POMT2: variants seen among roughly 807,000 people sequenced by gnomAD.
POMT2 encodes the protein protein O-mannosyltransferase 2.
A neutral mutation model predicts 100.0 loss-of-function variants in POMT2; 75 were observed. The ratio of observed to expected loss-of-function variants is 0.75; its 90% CI spans 0.62 to 0.91. The LOEUF (loss-of-function observed/expected upper bound fraction) is 0.91, where lower values mean the gene tolerates loss of function less well. Among genes scored for constraint, POMT2 ranks in the 40% least tolerant of loss-of-function variants. The pLI, the probability that POMT2 is intolerant of heterozygous loss-of-function variation, is 0.00. For missense variants in POMT2, 940 were observed against 955.1 expected (o/e 0.98, Z 0.21); for synonymous variants, 378 against 374.1 (o/e 1.01, Z -0.12).
rs1386555822 is a variant in POMT2, at chr14:77,301,068, C to T, written c.816+22G>A. ...ACATCAGGGAGCAAAAACATTTCCA[C>T]AGCAAACCCTTGGGTGCTCACCAAT... On this transcript the variant is annotated intron_variant, in intron 6 of 20. Coordinates refer to ENST00000261534, the MANE Select transcript of POMT2 (RefSeq NM_013382.7). The T allele has an allele frequency of 3.7e-6, 6 of 1,613,842 alleles. No homozygotes were observed. The East Asian group carries it at 1.3e-4, about 36-fold the overall frequency.
At chr14:77,309,604 T>C (rs1169895787) in intron 2 of POMT2, among the ~76,000 whole-genome samples, 1 of 152,176 alleles carries the variant, frequency 6.6e-6, no homozygotes, top group Non-Finnish European at 1.5e-5. Context: ...AGGGCAGCCT[T>C]AGAAGCCTCA....
intron 15 of POMT2, among the ~76,000 whole-genome samples, chr14:77,281,290 T>C (rs1253847470): frequency 6.6e-6 from 1 of 152,194 alleles, no homozygotes; most frequent in Non-Finnish European, 1.5e-5. Flanking sequence ...GGAGCCTTTG[T>C]AGACAAGTTT....
intron 16 of POMT2, 122 bp downstream of exon 16, chr14:77,280,270 C>T (rs947392064): frequency 2.4e-5 from 37 of 1,561,900 alleles, no homozygotes; most frequent in African/African-American, 1.5e-4. Flanking sequence ...CCACCTCTGG[C>T]CAACCCATCC....
chr14:77,310,755 C>G (rs1308949184), intron 2 of POMT2, among the ~76,000 whole-genome samples: 1 of 152,216 alleles, frequency 6.6e-6, no homozygotes, highest in Non-Finnish European at 1.5e-5. Flanking sequence ...CCCTTGGTGC[C>G]CAAGATCTAA....
intron 15 of POMT2, among the ~76,000 whole-genome samples, chr14:77,283,344 C>T (rs55922804): frequency 0.031 from 4,759 of 152,294 alleles, 106 homozygotes; most frequent in Middle Eastern, 0.075. Context: ...TGGGCAGATT[C>T]ACAAATCACT....
rs151238074 is a variant in POMT2 at position 77,313,263 on chromosome 14, C to T, written c.249-1230G>A. ...AATCTAAGGTTCTTTTTATATCTTA[C>T]TTGGTGGGTCCAAGATAGGCAAAAG... On this transcript the variant is annotated intron_variant, in intron 1 of 20. Transcript: ENST00000261534. 7.5e-3 allele frequency among the ~76,000 whole-genome samples: 1,150 copies of T among 152,352 alleles called. 13 individuals carry two copies. The highest frequency in any genetic ancestry group is 0.026 in the African/African-American group (1,065 of 41,576).
intron 9 of POMT2, among the ~76,000 whole-genome samples, chr14:77,293,620 G>A (rs564742343): frequency 2.6e-5 from 4 of 152,296 alleles, no homozygotes; most frequent in South Asian, 2.1e-4. Context: ...TAAACTGCAT[G>A]GCAGGAAGGG....
chr14:77,303,016 G>A, intron 4 of POMT2, 73 bp from the exon 5 acceptor site: 1 of 1,086,962 alleles, frequency 9.2e-7, no homozygotes, highest in Non-Finnish European at 1.4e-6. Flanking sequence ...CACCCCAGTA[G>A]TAGGAAACAG....
Position 77,285,560 on chromosome 14 carries a change from C to T in POMT2, c.1405G>A (p.Val469Met). 1 of 1,614,134 alleles carries T rather than the reference C, an allele frequency of 6.2e-7. No individual in the cohort carries two copies. The stretch of plus-strand genomic sequence containing the variant: ...ATGAAGCGAATTCGACTTCTCAGCA[C>T]TTTGATCCGGTTTCCAAATTTCCTG... ...VNRKFGNRIK[V>M]LRSRIRFIHL... The change falls in exon 13 of 21, where the codon GTG (valine) becomes ATG (methionine). Residue 469 changes from valine (V) to methionine (M), a missense_variant. Val to Met is a conservative substitution (Grantham distance 21). Coordinates refer to ENST00000261534, the MANE Select transcript of POMT2 (RefSeq NM_013382.7).
intron 1 of POMT2, among the ~76,000 whole-genome samples, chr14:77,316,104 C>T (rs1891615287): frequency 6.6e-6 from 1 of 152,188 alleles, no homozygotes; most frequent in South Asian, 2.1e-4. Flanking sequence ...GACATAGGTA[C>T]CAAGCACACC....
At chr14:77,320,203 G>T (rs371179205) in intron 1 of POMT2, 1 of 687,296 alleles carries the variant, frequency 1.5e-6, no homozygotes, top group Non-Finnish European at 2.5e-6. Context: ...TGGAAGACAT[G>T]AGGGCTGCTT....
chr14:77,318,368 C>T (rs6574368), intron 1 of POMT2, among the ~76,000 whole-genome samples: 52,127 of 152,014 alleles, frequency 0.34, 9,230 homozygotes, highest in East Asian at 0.44. Context: ...CACATGGACA[C>T]GGCCAGTCTT....
Position 77,291,480 on chromosome 14 carries a change from G to A in POMT2, c.1117-100C>T, listed in dbSNP as rs540202005. The stretch of plus-strand genomic sequence containing the variant: ...GGACAATCAACCTCAAACCAATGTT[G>A]CTTAAGCCAATTTCAGAATCCCCAG... On this transcript the variant is annotated intron_variant, in intron 9 of 20. Transcript: ENST00000261534. 2.0e-6 allele frequency: 3 copies of A among 1,503,028 alleles called. No individual in the cohort carries two copies. The South Asian group carries it at 3.6e-5, about 18-fold the overall frequency. 93.1% of individuals were successfully genotyped at this position (1,503,028 alleles called of 1,614,324 possible). A position where few individuals can be genotyped will look rare whatever the true frequency, so the allele number is the denominator to read the frequency against.
intron 2 of POMT2, among the ~76,000 whole-genome samples, chr14:77,307,328 A>G (rs978472405): frequency 1.3e-5 from 2 of 152,194 alleles, no homozygotes; most frequent in Non-Finnish European, 2.9e-5. Context: ...CTTGTGGGAC[A>G]TGGATTTAGA....
At chr14:77,315,369 G>A (rs893236119) in intron 1 of POMT2, among the ~76,000 whole-genome samples, 1 of 152,210 alleles carries the variant, frequency 6.6e-6, no homozygotes, top group Non-Finnish European at 1.5e-5. Flanking sequence ...CTGGGAAATG[G>A]CAAAATCTCT....
At chr14:77,311,700 C>A (rs1490299244) in intron 2 of POMT2, among the ~76,000 whole-genome samples, 1 of 152,160 alleles carries the variant, frequency 6.6e-6, no homozygotes, top group Non-Finnish European at 1.5e-5. Context: ...ATTATTCCAC[C>A]ATATGGCTGT....
At chr14:77,285,414 A>G in intron 13 of POMT2, 67 bp downstream of exon 13, 1 of 1,596,928 alleles carries the variant, frequency 6.3e-7, no homozygotes, top group Non-Finnish European at 8.6e-7. Context: ...AGCTTCTGGC[A>G]TACTCCTTGT....
chr14:77,297,063 C>T (rs1890858073), intron 8 of POMT2, among the ~76,000 whole-genome samples: 1 of 152,184 alleles, frequency 6.6e-6, no homozygotes, highest in African/African-American at 2.4e-5. Flanking sequence ...GGTGGGAACT[C>T]GGAACAGGCC....
chr14:77,288,902 T>C (rs1402546037), intron 10 of POMT2, 71 bp from the exon 11 acceptor site: 14 of 1,278,446 alleles, frequency 1.1e-5, no homozygotes, highest in Non-Finnish European at 1.6e-5. Flanking sequence ...GGCCTACTGG[T>C]AAACAGTTAT....
Sources: allele counts gnomAD v4.1 joint callset (sites outside exome capture counted in the v4.1 genomes callset), GRCh38; gene constraint gnomAD v4.1.1; transcripts MANE v1.5; gene names NCBI Gene and HGNC (gene_info 2026-07-23, HGNC 2026-07-21).